Variants in ADAM12 observed in about 807,000 individuals in gnomAD.
ADAM12 encodes ADAM metallopeptidase domain 12.
In ADAM12, 70 loss-of-function variants were observed where a neutral mutation model predicts 106.4. That is an observed-to-expected ratio of 0.66 (90% CI 0.54 to 0.80). The LOEUF (loss-of-function observed/expected upper bound fraction) is 0.80, where lower values mean the gene tolerates loss of function less well. Ranked by LOEUF, ADAM12 falls within the 30% of genes least tolerant of loss-of-function variation. ADAM12 has a pLI of 0.00. For synonymous variants in ADAM12, 420 were observed against 433.5 expected, an observed-to-expected ratio of 0.97 and a Z score of 0.39; for missense variants, 1,010 against 1,171.9, an observed-to-expected ratio of 0.86 and a Z score of 2.02.
At position 126,330,519 on chromosome 10, in the gene ADAM12, A is replaced by C. The variant is rs748635733; in HGVS notation, c.89-10T>G. 4.3e-6 allele frequency: 7 copies of C among 1,610,794 alleles called. No homozygotes were observed. Among genetic ancestry groups the C allele is most frequent in the Non-Finnish European group, 4.2e-6 (5 of 1,178,410 alleles). ...TTCCATAAGCTCACCCCTGAATCAAAAGGAAAACAGCCCTATATTTCACTC... is the reference window on the plus strand; with the variant it reads ...TTCCATAAGCTCACCCCTGAATCAACAGGAAAACAGCCCTATATTTCACTC... On this transcript the variant is annotated splice_polypyrimidine_tract_variant and intron_variant, in intron 1 of 22. Coordinates refer to ENST00000448723, the MANE Select transcript of ADAM12 (RefSeq NM_001288973.2).
intron 1 of ADAM12, among the ~76,000 whole-genome samples, chr10:126,377,232 G>A (rs1318375881): frequency 1.3e-5 from 2 of 152,084 alleles, no homozygotes; most frequent in Non-Finnish European, 1.5e-5. Context: ...TATTAGTCAG[G>A]GTTCTCTAGA....
intron 3 of ADAM12, among the ~76,000 whole-genome samples, chr10:126,256,907 G>C (rs1418112174): frequency 3.4e-5 from 5 of 146,248 alleles, no homozygotes; most frequent in African/African-American, 1.2e-4. Flanking sequence ...CTTTGGATGG[G>C]AATAATAATA....
intron 3 of ADAM12, among the ~76,000 whole-genome samples, chr10:126,243,866 C>T (rs181202891): frequency 5.3e-5 from 8 of 152,234 alleles, no homozygotes; most frequent in South Asian, 2.1e-4. Context: ...ACATTGACAA[C>T]GGGGAATGTG....
intron 2 of ADAM12, among the ~76,000 whole-genome samples, chr10:126,311,995 T>C (rs1750550650): frequency 6.6e-6 from 1 of 152,030 alleles, no homozygotes; most frequent in South Asian, 2.1e-4. Context: ...CTATTTGCAA[T>C]TGGCGTCTGA....
chr10:126,065,747 A>C, intron 13 of ADAM12, among the ~76,000 whole-genome samples: 1 of 152,150 alleles, frequency 6.6e-6, no homozygotes, highest in East Asian at 1.9e-4. Context: ...GCAATTGTTA[A>C]AAAGTCATAA....
intron 2 of ADAM12, among the ~76,000 whole-genome samples, chr10:126,304,788 G>A (rs933398696): frequency 2.6e-5 from 4 of 151,162 alleles, no homozygotes; most frequent in Admixed American, 1.3e-4. Context: ...AAATCTGAAC[G>A]TTTACAAAAA....
chr10:126,163,699 C>T (rs936621277), intron 3 of ADAM12, among the ~76,000 whole-genome samples: 2 of 152,208 alleles, frequency 1.3e-5, no homozygotes, highest in Non-Finnish European at 2.9e-5. Context: ...GTGAATCAGC[C>T]TTTCTCTTGT....
At chr10:126,162,898 G>T (rs1228478705) in intron 3 of ADAM12, among the ~76,000 whole-genome samples, 1 of 152,174 alleles carries the variant, frequency 6.6e-6, no homozygotes, top group African/African-American at 2.4e-5. Context: ...GCTGGAGGTG[G>T]GGTCTGGTAG....
intron 3 of ADAM12, among the ~76,000 whole-genome samples, chr10:126,275,544 C>T (rs548812865): frequency 6.6e-6 from 1 of 152,330 alleles, no homozygotes; most frequent in Admixed American, 6.5e-5. Context: ...AATTAGATGA[C>T]TCTCAGCATT....
At chr10:126,017,409 G>T in intron 22 of ADAM12, 70 bp from the exon 23 acceptor site, 1 of 1,412,562 alleles carries the variant, frequency 7.1e-7, no homozygotes, top group South Asian at 1.3e-5. Context: ...AGAGAGGTCT[G>T]GGGTTGGAGA....
intron 3 of ADAM12, among the ~76,000 whole-genome samples, chr10:126,272,618 G>A (rs566856203): frequency 5.9e-5 from 9 of 152,268 alleles, no homozygotes; most frequent in South Asian, 2.1e-4. Flanking sequence ...TGGTTCCATC[G>A]ACATTTGTTT....
At chr10:126,092,410 T>C (rs1258633778) in intron 11 of ADAM12, among the ~76,000 whole-genome samples, 1 of 152,210 alleles carries the variant, frequency 6.6e-6, no homozygotes, top group Non-Finnish European at 1.5e-5. Flanking sequence ...AGAAGGCATC[T>C]ATAGGCCCTT....
In ADAM12 at chr10:126,053,686, T is replaced by C. The variant is rs10901528; in HGVS notation, c.1610-4017A>G. On this transcript the variant is annotated intron_variant, in intron 14 of 22. Transcript: ENST00000448723. The surrounding 1 kb of genome is among the most constrained non-coding windows in gnomAD (Gnocchi z 4.6). The stretch of plus-strand genomic sequence containing the variant: ...ACACCGTGGAACAATTTTACTGAGA[T>C]GACGTTTCCTTTGGTCTCAGTCTTT... 0.12 allele frequency among the ~76,000 whole-genome samples: 18,795 copies of C among 152,066 alleles called. 2,178 individuals carry two copies. The highest frequency in any genetic ancestry group is 0.39 in the East Asian group (2,032 of 5,168).
intron 3 of ADAM12, among the ~76,000 whole-genome samples, chr10:126,261,106 A>T (rs1958992679): frequency 6.6e-6 from 1 of 152,352 alleles, no homozygotes; most frequent in Middle Eastern, 3.4e-3. Context: ...TTTAAAGTAT[A>T]CAGTAGGTTA....
At chr10:126,363,204 A>C (rs1855798029) in intron 1 of ADAM12, among the ~76,000 whole-genome samples, 1 of 152,202 alleles carries the variant, frequency 6.6e-6, no homozygotes, top group African/African-American at 2.4e-5. Flanking sequence ...GGAAAAGATA[A>C]GTTATCTCAA....
intron 21 of ADAM12, among the ~76,000 whole-genome samples, chr10:126,029,662 A>G (rs1953940211): frequency 6.6e-6 from 1 of 152,226 alleles, no homozygotes; most frequent in Admixed American, 6.6e-5. Context: ...GCACATGTTT[A>G]CCGATGTAAC....
chr10:126,257,036 G>A (rs1483011414), intron 3 of ADAM12, among the ~76,000 whole-genome samples: 4 of 152,104 alleles, frequency 2.6e-5, no homozygotes, highest in African/African-American at 4.8e-5. Flanking sequence ...CCACCTGGGG[G>A]CTCCCCAGTC....
chr10:126,043,168 G>C lies in ADAM12; in HGVS notation c.1996-20C>G. ...GCACACCTTTCAGGGCAGAGGGGAG[G>C]GACGTGGGGTTAGGGCATATGCTCT... On this transcript the variant is annotated intron_variant, in intron 17 of 22. Transcript: ENST00000448723. The surrounding 1 kb of genome is among the most constrained non-coding windows in gnomAD (Gnocchi z 4.1). The C allele has an allele frequency of 6.2e-7, 1 of 1,611,388 alleles. No homozygotes were observed. Among genetic ancestry groups the C allele is most frequent in the South Asian group, 1.1e-5 (1 of 90,748 alleles).
At chr10:126,019,945 A>G in intron 21 of ADAM12, 120 bp from the exon 22 acceptor site, 1 of 1,199,804 alleles carries the variant, frequency 8.3e-7, no homozygotes, top group Middle Eastern at 2.9e-4. Context: ...TCACCATACA[A>G]GGTGGGTGGA....
Sources: gnomAD v4.1 joint callset for allele counts (sites outside exome capture counted in the v4.1 genomes callset) on GRCh38, gnomAD v4.1.1 for gene constraint, Gnocchi (gnomAD v3.1) non-coding constraint, MANE v1.5 for transcripts, NCBI Gene and HGNC (gene_info 2026-07-23, HGNC 2026-07-21) for gene names.